PTPRK: variants seen among roughly 807,000 people sequenced by gnomAD.
The protein encoded by PTPRK is receptor-type tyrosine-protein phosphatase kappa.
PTPRK carries 75 observed loss-of-function variants against 178.0 expected under a neutral mutation model. That is an observed-to-expected ratio of 0.42 (90% CI 0.35 to 0.51). The LOEUF is 0.51. PTPRK is among the 20% of genes least tolerant of loss of function. The pLI is 0.02. For synonymous variants in PTPRK, 637 were observed against 620.6 expected (o/e 1.03, Z -0.39); for missense variants, 1,441 against 1,797.8 (o/e 0.80, Z 3.59).
At chr6:128,287,340 C>A (rs1172654574) in intron 3 of PTPRK, among the ~76,000 whole-genome samples, 3 of 152,184 alleles carry the variant, frequency 2.0e-5, no homozygotes, top group African/African-American at 2.4e-5. Flanking sequence ...AAGACAACTG[C>A]AGTGGTTATC....
At chr6:128,325,395 G>C (rs566635424) in intron 2 of PTPRK, among the ~76,000 whole-genome samples, 1 of 152,108 alleles carries the variant, frequency 6.6e-6, no homozygotes, top group East Asian at 1.9e-4. Flanking sequence ...GCAAACTACA[G>C]AATGGGAAAA....
intron 2 of PTPRK, among the ~76,000 whole-genome samples, chr6:128,358,295 G>A (rs142542598): frequency 8.5e-5 from 13 of 152,236 alleles, no homozygotes; most frequent in African/African-American, 2.9e-4. Context: ...AGACACCATC[G>A]GTGGTGAGGG....
intron 15 of PTPRK, among the ~76,000 whole-genome samples, chr6:128,004,510 T>C (rs1778203670): frequency 6.6e-6 from 1 of 151,788 alleles, no homozygotes; most frequent in Admixed American, 6.6e-5. Flanking sequence ...AATTTCACTA[T>C]GCCTTGCAAA....
chr6:127,997,101 C>A, intron 16 of PTPRK, 113 bp from the exon 17 acceptor site: 9 of 1,018,096 alleles, frequency 8.8e-6, no homozygotes, highest in Non-Finnish European at 1.2e-5. Flanking sequence ...GGAAAGCAGT[C>A]CTACAGTAGT....
intron 3 of PTPRK, among the ~76,000 whole-genome samples, chr6:128,317,839 C>T (rs552363420): frequency 1.3e-5 from 2 of 152,156 alleles, no homozygotes; most frequent in African/African-American, 2.4e-5. Flanking sequence ...CCTAATTGAC[C>T]AGAACTGTGT....
At chr6:127,986,771 G>C (rs1262098839) in intron 21 of PTPRK, among the ~76,000 whole-genome samples, 1 of 152,108 alleles carries the variant, frequency 6.6e-6, no homozygotes, top group South Asian at 2.1e-4. Context: ...AGAAAAGGTA[G>C]ACACATTACA....
intron 1 of PTPRK, among the ~76,000 whole-genome samples, chr6:128,448,040 T>C (rs1290297357): frequency 6.6e-6 from 1 of 152,200 alleles, no homozygotes; most frequent in African/African-American, 2.4e-5. Context: ...TATCCTTCTT[T>C]ATGCTGTGGC....
intron 15 of PTPRK, 134 bp downstream of exon 15, chr6:128,004,950 C>A: frequency 1.4e-6 from 1 of 707,908 alleles, no homozygotes; most frequent in Non-Finnish European, 2.2e-6. Context: ...TAATATTCTC[C>A]ATCTCTTTCT....
chr6:128,499,905 A>G (rs9491974), intron 1 of PTPRK, among the ~76,000 whole-genome samples: 1,594 of 152,286 alleles, frequency 0.01, 33 homozygotes, highest in African/African-American at 0.037. Context: ...TTCGGTACCC[A>G]CCAAATGGGT....
chr6:128,342,795 A>T (rs1190052333), intron 2 of PTPRK, among the ~76,000 whole-genome samples: 2 of 152,100 alleles, frequency 1.3e-5, no homozygotes, highest in African/African-American at 4.8e-5. Context: ...TTTTCTAAAG[A>T]ACAGATTTAA....
chr6:128,300,292 A>G (rs1305400812), intron 3 of PTPRK, among the ~76,000 whole-genome samples: 3 of 152,120 alleles, frequency 2.0e-5, no homozygotes, highest in Non-Finnish European at 4.4e-5. Context: ...AACTAGTTCA[A>G]CCCCTGTGGA....
intron 1 of PTPRK, among the ~76,000 whole-genome samples, chr6:128,449,364 A>G (rs540003245): frequency 2.0e-5 from 3 of 152,176 alleles, no homozygotes; most frequent in Non-Finnish European, 4.4e-5. Flanking sequence ...ATACTCATGT[A>G]TTATTTTATG....
chr6:128,437,627 G>C (rs6939023), intron 1 of PTPRK, among the ~76,000 whole-genome samples: 27,373 of 152,114 alleles, frequency 0.18, 4,943 homozygotes, highest in African/African-American at 0.47. Context: ...TTATTTAGGC[G>C]GTAATTAAGC....
intron 5 of PTPRK, among the ~76,000 whole-genome samples, chr6:128,223,025 T>C (rs1484163555): frequency 6.6e-6 from 1 of 152,152 alleles, no homozygotes; most frequent in Non-Finnish European, 1.5e-5. Flanking sequence ...AAAAACTCTA[T>C]AAAAGATTAT....
At chr6:128,310,278 T>C (rs1827039995) in intron 3 of PTPRK, among the ~76,000 whole-genome samples, 4 of 152,162 alleles carry the variant, frequency 2.6e-5, no homozygotes, top group Admixed American at 2.0e-4. Flanking sequence ...ATTGTTTCTG[T>C]AACATGAGCT....
At chr6:128,212,087 AT>A (rs1197320556) in intron 6 of PTPRK, among the ~76,000 whole-genome samples, 2 of 151,948 alleles carry the variant, frequency 1.3e-5, no homozygotes, top group Non-Finnish European at 2.9e-5. Flanking sequence ...TAGGTAGACT[AT>A]TTTTTATTTG....
intron 1 of PTPRK, among the ~76,000 whole-genome samples, chr6:128,405,163 A>G (rs1841506775): frequency 6.6e-6 from 1 of 152,220 alleles, no homozygotes; most frequent in South Asian, 2.1e-4. Flanking sequence ...TAAAATTTCT[A>G]CAAATAATTT....
At chr6:128,000,229 C>T (rs746163706) in intron 15 of PTPRK, 105 of 1,134,426 alleles carry the variant, frequency 9.3e-5, no homozygotes, top group Admixed American at 1.6e-4. Flanking sequence ...AACAGATAAA[C>T]ATATTTCAAG....
intron 1 of PTPRK, among the ~76,000 whole-genome samples, chr6:128,437,706 TA>T (rs747582901): frequency 6.6e-6 from 1 of 152,058 alleles, no homozygotes; most frequent in African/African-American, 2.4e-5. Flanking sequence ...GAGACAAAAC[TA>T]AATGAGTAGC....
Sources: allele counts gnomAD v4.1 joint callset (sites outside exome capture counted in the v4.1 genomes callset), GRCh38; gene constraint gnomAD v4.1.1; transcripts MANE v1.5; gene names NCBI Gene and HGNC (gene_info 2026-07-23, HGNC 2026-07-21).